The following RAD51B variants were observed in gnomAD, a reference collection of about 807,000 sequenced individuals.
RAD51B encodes the protein RAD51 paralog B, also known as DNA repair protein RAD51 homolog 2.
RAD51B carries 38 observed loss-of-function variants against 42.2 expected under a neutral mutation model. That is an observed-to-expected ratio of 0.90 (90% CI 0.70 to 1.18). The LOEUF is 1.18. Ranked by LOEUF, RAD51B falls within the 50% of genes most tolerant of loss-of-function variation. The pLI is 0.00. For synonymous variants in RAD51B, 154 were observed against 145.2 expected, an observed-to-expected ratio of 1.06 and a Z score of -0.43; for missense variants, 373 against 400.7, an observed-to-expected ratio of 0.93 and a Z score of 0.59.
At chr14:68,015,588 A>G (rs2075766029) in intron 7 of RAD51B, among the ~76,000 whole-genome samples, 1 of 152,176 alleles carries the variant, frequency 6.6e-6, no homozygotes, top group South Asian at 2.1e-4. Flanking sequence ...TTATAAAACC[A>G]TCAGATTTCG....
chr14:68,083,629 A>G (rs2140495607), intron 7 of RAD51B, among the ~76,000 whole-genome samples: 1 of 152,332 alleles, frequency 6.6e-6, no homozygotes, highest in South Asian at 2.1e-4. Context: ...GAACTGATAT[A>G]TATTAGCATT....
At chr14:67,825,151 A>G (rs999460851) in intron 2 of RAD51B, among the ~76,000 whole-genome samples, 23 of 147,880 alleles carry the variant, frequency 1.6e-4, no homozygotes, top group African/African-American at 5.7e-4. Flanking sequence ...GCATATATTT[A>G]TACCCAAATT....
At chr14:68,055,228 A>C (rs1181127020) in intron 7 of RAD51B, among the ~76,000 whole-genome samples, 1 of 152,176 alleles carries the variant, frequency 6.6e-6, no homozygotes, top group Non-Finnish European at 1.5e-5. Context: ...TCCATCCTTA[A>C]TATTTTTGAA....
chr14:68,391,262 A>T (rs2140015771), intron 8 of RAD51B, among the ~76,000 whole-genome samples: 1 of 149,866 alleles, frequency 6.7e-6, no homozygotes, highest in South Asian at 2.1e-4. Flanking sequence ...TGCTTTTTAA[A>T]TTCAGTTTCA....
intron 8 of RAD51B, among the ~76,000 whole-genome samples, chr14:68,404,789 C>G (rs946141421): frequency 6.6e-6 from 1 of 152,104 alleles, no homozygotes; most frequent in Admixed American, 6.5e-5. Flanking sequence ...TTCTGGAAAC[C>G]CCTTGCCCTG....
rs1333370195 is a variant in RAD51B, at chr14:68,611,183, C to CTCT, written c.1217_1219dup (p.Leu406dup). 4.6e-5 allele frequency: 32 copies of CTCT among 703,128 alleles called. No individual in the cohort carries two copies. In the East Asian group the frequency reaches 8.6e-4, roughly 19 times the overall value. 43.6% of individuals were successfully genotyped at this position (703,128 alleles called of 1,614,324 possible). On this transcript the variant is annotated inframe_insertion, in exon 11 of 11. Coordinates refer to the RAD51B transcript ENST00000487861. The stretch of plus-strand genomic sequence containing the variant: ...ATGCACTCAACTGTCCTCTCTTCTG[C>CTCT]TCTTCCTCCTACAAACTGGGCAACT...
At chr14:68,653,502 A>G (rs1892745396) in intron 11 of RAD51B, among the ~76,000 whole-genome samples, 1 of 152,232 alleles carries the variant, frequency 6.6e-6, no homozygotes, top group African/African-American at 2.4e-5. Flanking sequence ...TACAACTCAC[A>G]TCTGGGGCCA....
chr14:67,885,105 A>G (rs944364536), intron 5 of RAD51B, among the ~76,000 whole-genome samples: 1 of 152,234 alleles, frequency 6.6e-6, no homozygotes, highest in African/African-American at 2.4e-5. Flanking sequence ...TTAAAATGAA[A>G]TGTGATGGTT....
intron 8 of RAD51B, among the ~76,000 whole-genome samples, chr14:68,361,770 G>C (rs1013904758): frequency 2.0e-5 from 3 of 152,106 alleles, no homozygotes; most frequent in Non-Finnish European, 4.4e-5. Context: ...CCATGTCCCA[G>C]GTTCGAGAGA....
At chr14:68,611,893 T>C (rs916574588), downstream of RAD51B, among the ~76,000 whole-genome samples, 1 of 152,130 alleles carries the variant, frequency 6.6e-6, no homozygotes, top group Non-Finnish European at 1.5e-5. Flanking sequence ...GATTTTTTTT[T>C]TTCAGCAATA....
At chr14:68,279,061 C>T (rs2081275026) in intron 7 of RAD51B, among the ~76,000 whole-genome samples, 1 of 152,032 alleles carries the variant, frequency 6.6e-6, no homozygotes, top group Admixed American at 6.6e-5. Flanking sequence ...ATTGATGGTT[C>T]TACTCTGTAT....
chr14:68,485,055 T>G (rs1378310059), intron 10 of RAD51B, among the ~76,000 whole-genome samples: 1 of 152,166 alleles, frequency 6.6e-6, no homozygotes, highest in Non-Finnish European at 1.5e-5. Flanking sequence ...AAACCTTTGT[T>G]GGATAAGGAA....
At chr14:68,316,053 G>A (rs2082055884) in intron 8 of RAD51B, among the ~76,000 whole-genome samples, 1 of 152,134 alleles carries the variant, frequency 6.6e-6, no homozygotes, top group Non-Finnish European at 1.5e-5. Context: ...TTACTTGATA[G>A]CTCATTGAGA....
chr14:68,074,740 CAG>C (rs1490218303), intron 7 of RAD51B, among the ~76,000 whole-genome samples: 1 of 152,182 alleles, frequency 6.6e-6, no homozygotes, highest in Non-Finnish European at 1.5e-5. Flanking sequence ...AGGCTTTGTG[CAG>C]AGTCTGTATT....
intron 7 of RAD51B, among the ~76,000 whole-genome samples, chr14:68,041,544 G>A (rs2076217264): frequency 6.6e-6 from 1 of 151,872 alleles, no homozygotes; most frequent in Non-Finnish European, 1.5e-5. Flanking sequence ...ACTAGCCTGA[G>A]GGTCAACATT....
chr14:67,906,722 G>A (rs1566951872), intron 7 of RAD51B, among the ~76,000 whole-genome samples: 1 of 151,950 alleles, frequency 6.6e-6, no homozygotes, highest in South Asian at 2.1e-4. Context: ...GTGTATTTCT[G>A]TGGGGTTGCT....
rs1168576384 is a variant in RAD51B, at chr14:68,565,018, A to G, written c.1037-29467A>G. On this transcript the variant is annotated intron_variant, in intron 10 of 10. Transcript: ENST00000487270. The surrounding 1 kb of genome is among the most constrained non-coding windows in gnomAD (Gnocchi z 4.1). ...AGCCTCCGGCCATAGGTGAAAGACAATTTCCGATTATTGTTTTCAAACATT... is the reference window on the plus strand; with the variant it reads ...AGCCTCCGGCCATAGGTGAAAGACAGTTTCCGATTATTGTTTTCAAACATT... 6.6e-6 allele frequency among the ~76,000 whole-genome samples: 1 copy of G among 152,174 alleles called. No homozygotes were observed. The highest frequency in any genetic ancestry group is 1.9e-4 in the East Asian group (1 of 5,196).
At position 68,207,707 on chromosome 14, in the gene RAD51B, A is replaced by T. The variant is rs58404157; in HGVS notation, c.757-84177A>T. ...AGGGGAGCCAGTACTAGGTAGAGTC[A>T]TGGTGGTCAGGATTAGAAAGAATTC... On this transcript the variant is annotated intron_variant, in intron 7 of 10. Transcript: ENST00000471583. Among the ~76,000 whole-genome samples, 756 of 152,302 alleles carry T rather than the reference A, an allele frequency of 5.0e-3. 6 individuals carry two copies. Among genetic ancestry groups the T allele is most frequent in the African/African-American group, 0.017 (723 of 41,552 alleles).
intron 10 of RAD51B, among the ~76,000 whole-genome samples, chr14:68,555,433 C>T (rs1206536124): frequency 6.6e-6 from 1 of 152,066 alleles, no homozygotes; most frequent in East Asian, 1.9e-4. Context: ...CGGGGTGGGA[C>T]ACATGATCTT....
Sources: gnomAD v4.1 joint callset for allele counts (sites outside exome capture counted in the v4.1 genomes callset) on GRCh38, gnomAD v4.1.1 for gene constraint, Gnocchi (gnomAD v3.1) non-coding constraint, MANE v1.5 for transcripts, NCBI Gene and HGNC (gene_info 2026-07-23, HGNC 2026-07-21) for gene names.